The following SNX24 variants were observed in gnomAD, a reference collection of about 807,000 sequenced individuals.
SNX24 encodes the protein sorting nexin 24, also known as sorting nexin-24.
A neutral mutation model predicts 28.7 loss-of-function variants in SNX24; 22 were observed. The observed-to-expected ratio is 0.77, with a 90% CI of 0.55 to 1.10. The LOEUF is 1.10. Ranked by LOEUF, SNX24 falls within the 50% of genes least tolerant of loss-of-function variation. SNX24 has a pLI of 0.00. For missense variants in SNX24, 221 were observed against 201.1 expected (o/e 1.10, Z -0.60); for synonymous variants, 69 against 71.5 (o/e 0.96, Z 0.18).
intron 1 of SNX24, among the ~76,000 whole-genome samples, chr5:122,887,829 A>G (rs1296876012): frequency 5.3e-5 from 8 of 152,122 alleles, no homozygotes; most frequent in Admixed American, 3.3e-4. Context: ...CAGCCTCTGG[A>G]GTATCTGGGA....
At chr5:122,953,083 TTC>T (rs1297888779) in intron 3 of SNX24, among the ~76,000 whole-genome samples, 1 of 152,096 alleles carries the variant, frequency 6.6e-6, no homozygotes, top group Non-Finnish European at 1.5e-5. Flanking sequence ...TCTTCCTTTT[TTC>T]CTTCCCTTTC....
intron 1 of SNX24, among the ~76,000 whole-genome samples, chr5:122,922,978 C>T (rs17149739): frequency 0.12 from 18,847 of 151,988 alleles, 1,472 homozygotes; most frequent in East Asian, 0.36. Context: ...TATTTTTAAA[C>T]CATGCATATC....
chr5:122,948,374 G>A (rs1029518825), intron 3 of SNX24, among the ~76,000 whole-genome samples: 1 of 152,116 alleles, frequency 6.6e-6, no homozygotes, highest in African/African-American at 2.4e-5. Context: ...TTTCTCAGCA[G>A]GTATCATCCT....
chr5:122,851,829 C>A (rs1754932298), intron 1 of SNX24, among the ~76,000 whole-genome samples: 1 of 151,922 alleles, frequency 6.6e-6, no homozygotes, highest in South Asian at 2.1e-4. Flanking sequence ...AAAAAAAATT[C>A]TGGAGTATTT....
chr5:122,915,228 C>T (rs1758106668), intron 1 of SNX24, among the ~76,000 whole-genome samples: 1 of 152,136 alleles, frequency 6.6e-6, no homozygotes, highest in Non-Finnish European at 1.5e-5. Flanking sequence ...CATCACTCTC[C>T]CTCCCATTGC....
intron 1 of SNX24, among the ~76,000 whole-genome samples, chr5:122,869,972 G>A (rs1196468266): frequency 6.6e-6 from 1 of 150,640 alleles, no homozygotes; most frequent in Non-Finnish European, 1.5e-5. Flanking sequence ...GATTAACTTT[G>A]TCAGCCATTC....
chr5:122,870,074 T>G (rs1033262238), intron 1 of SNX24, among the ~76,000 whole-genome samples: 6 of 152,200 alleles, frequency 3.9e-5, no homozygotes, highest in Admixed American at 6.5e-5. Flanking sequence ...GAATGCTGCT[T>G]CTTTTGGATT....
chr5:122,858,130 C>G (rs1755293242), intron 1 of SNX24, among the ~76,000 whole-genome samples: 1 of 152,142 alleles, frequency 6.6e-6, no homozygotes, highest in Non-Finnish European at 1.5e-5. Context: ...TTGTGGATAG[C>G]CAGCACCATT....
At chr5:123,012,069 T>C (rs1762591505), downstream of SNX24, among the ~76,000 whole-genome samples, 1 of 152,172 alleles carries the variant, frequency 6.6e-6, no homozygotes, top group East Asian at 1.9e-4. Context: ...TTTCCCCCTT[T>C]TGCTTGGCAC....
chr5:123,024,071 C>G, intron 5 of SNX24: 3 of 1,527,078 alleles, frequency 2.0e-6, no homozygotes, highest in South Asian at 2.6e-5. Context: ...AAGGTTAAAC[C>G]AAAGCCAACT....
At chr5:122,870,146 A>G (rs796106305) in intron 1 of SNX24, among the ~76,000 whole-genome samples, 10 of 152,288 alleles carry the variant, frequency 6.6e-5, no homozygotes, top group African/African-American at 2.4e-4. Flanking sequence ...TCTAGGCCTC[A>G]TGTGAGAATT....
chr5:123,010,135 G>C (rs1322194054), downstream of SNX24, among the ~76,000 whole-genome samples: 2 of 152,150 alleles, frequency 1.3e-5, no homozygotes, highest in Non-Finnish European at 2.9e-5. Context: ...AAAGTGGCAG[G>C]AGGATGGTAT....
chr5:123,018,631 GTCCTCCAAA>G (rs772870556), intron 5 of SNX24, among the ~76,000 whole-genome samples: 1 of 152,220 alleles, frequency 6.6e-6, no homozygotes, highest in Non-Finnish European at 1.5e-5. Flanking sequence ...GGTAATTTGG[GTCCTCCAAA>G]TCCTCCAAAT....
chr5:122,951,049 C>T lies in SNX24; in HGVS notation c.249+4890C>T, dbSNP rs369304586. Among the ~76,000 whole-genome samples the T allele has an allele frequency of 1.2e-4, 18 of 151,880 alleles. 2 individuals are homozygous for T. The highest frequency in any genetic ancestry group is 3.9e-4 in the East Asian group (2 of 5,150). ...TTGGGAGGCCGAGGCGGGCGGATCA[C>T]GAGGTCAGGAGTTCAAGACCATCCT... On this transcript the variant is annotated intron_variant, in intron 3 of 6. Transcript: ENST00000261369.
chr5:123,023,114 TCTTAATCCC>T (rs1762786294), intron 5 of SNX24: 1 of 152,176 alleles, frequency 6.6e-6, no homozygotes, highest in African/African-American at 2.4e-5. Context: ...ATAGCCTGAG[TCTTAATCCC>T]CTTATGTAAG....
intron 3 of SNX24, among the ~76,000 whole-genome samples, chr5:122,986,623 T>A (rs1308323943): frequency 6.6e-6 from 1 of 152,044 alleles, no homozygotes; most frequent in Non-Finnish European, 1.5e-5. Context: ...CCGAAGCCAA[T>A]TTGCAGAGCA....
chr5:122,865,395 A>G (rs1483729664), intron 1 of SNX24, among the ~76,000 whole-genome samples: 1 of 152,222 alleles, frequency 6.6e-6, no homozygotes, highest in African/African-American at 2.4e-5. Context: ...CAATGGCACG[A>G]TCTTGGCTCA....
intron 1 of SNX24, among the ~76,000 whole-genome samples, chr5:122,885,045 G>T (rs1756647024): frequency 6.6e-6 from 1 of 152,200 alleles, no homozygotes; most frequent in Non-Finnish European, 1.5e-5. Context: ...AAACAGTTTA[G>T]AAGTAAACAA....
chr5:122,988,073 A>C (rs1303997074), intron 3 of SNX24, among the ~76,000 whole-genome samples: 2 of 152,172 alleles, frequency 1.3e-5, no homozygotes, highest in African/African-American at 4.8e-5. Context: ...CCCCCTTTCC[A>C]GGACACGGTT....
Sources: gnomAD v4.1 joint callset for allele counts (sites outside exome capture counted in the v4.1 genomes callset) on GRCh38, gnomAD v4.1.1 for gene constraint, MANE v1.5 for transcripts, NCBI Gene and HGNC (gene_info 2026-07-23, HGNC 2026-07-21) for gene names.